The following FAM53C variants were observed in gnomAD, a reference collection of about 807,000 sequenced individuals.
The protein encoded by FAM53C is family with sequence similarity 53 member C.
FAM53C carries 10 observed loss-of-function variants against 34.7 expected under a neutral mutation model. The ratio of observed to expected loss-of-function variants is 0.29; its 90% CI spans 0.18 to 0.49. The LOEUF (loss-of-function observed/expected upper bound fraction) is 0.49, where lower values mean the gene tolerates loss of function less well. Ranked by LOEUF, FAM53C falls within the 20% of genes least tolerant of loss-of-function variation. The pLI is 0.99. For synonymous variants in FAM53C, 203 were observed against 203.6 expected (o/e 1.00, Z 0.03); for missense variants, 442 against 515.3 (o/e 0.86, Z 1.38).
At chr5:138,344,451 A>G (rs1436550152) in intron 3 of FAM53C, among the ~76,000 whole-genome samples, 1 of 152,218 alleles carries the variant, frequency 6.6e-6, no homozygotes, top group African/African-American at 2.4e-5. Context: ...TGAGCAGGAC[A>G]CTCACAAACG....
rs778136209 is a variant in FAM53C at position 138,347,307 on chromosome 5, C to CT, written c.*350dup. 9.2e-6 allele frequency: 3 copies of CT among 324,352 alleles called. No individual in the cohort carries two copies. The highest frequency in any genetic ancestry group is 1.7e-5 in the Non-Finnish European group (3 of 172,394). 20.1% of individuals were successfully genotyped at this position (324,352 alleles called of 1,614,324 possible). On this transcript the variant is annotated 3_prime_UTR_variant, in exon 5 of 5. Transcript: ENST00000239906. ...ACTAGCCCCTTTGCTTCAAAGGGCA[C>CT]TTGTGTCTTAGAATTTGGCCAGGGT...
chr5:138,339,220 A>G (rs1462419101), intron 1 of FAM53C, among the ~76,000 whole-genome samples: 1 of 152,196 alleles, frequency 6.6e-6, no homozygotes, highest in Non-Finnish European at 1.5e-5. Context: ...GAAGGCGGCA[A>G]GAGAGGGCTT....
In FAM53C at chr5:138,346,799, C is replaced by G. The variant is rs1292595548; in HGVS notation, c.1019C>G (p.Ser340Cys). 1 of 1,614,196 alleles carries G rather than the reference C, an allele frequency of 6.2e-7. No individual in the cohort carries two copies. Among genetic ancestry groups the G allele is most frequent in the Non-Finnish European group, 8.5e-7 (1 of 1,180,036 alleles). Residue 340 changes from serine (S) to cysteine (C), a missense_variant, in exon 5 of 5, where the codon TCT becomes TGT. By Grantham distance (112) the Ser-to-Cys change is moderately radical. Coordinates refer to ENST00000239906, the MANE Select transcript of FAM53C (RefSeq NM_016605.3). Reference protein sequence around the residue: ...WFMACSPPPLSASCSPTGGSS... With the variant: ...WFMACSPPPLCASCSPTGGSS... ...ATGGCCTGTAGCCCCCCACCCCTCT[C>G]TGCTTCCTGCAGCCCCACTGGGGGT...
chr5:138,338,787 C>A (rs1274451116), intron 1 of FAM53C, among the ~76,000 whole-genome samples: 1 of 152,246 alleles, frequency 6.6e-6, no homozygotes, highest in African/African-American at 2.4e-5. Flanking sequence ...AGATCTCCAC[C>A]TACCTGTTCA....
In FAM53C at chr5:138,341,236, G is replaced by T. The variant is rs770100189; in HGVS notation, c.-100G>T. On this transcript the variant is annotated 5_prime_UTR_variant, in exon 2 of 5. Transcript: ENST00000239906. Reference sequence around the variant, plus strand: ...GTCCCAATGGTGCTAGAATGGTGCTGCAGTGGCAGAAGACGGCTCACAAGT... The same window carrying T: ...GTCCCAATGGTGCTAGAATGGTGCTTCAGTGGCAGAAGACGGCTCACAAGT... 1.0e-6 allele frequency: 1 copy of T among 953,082 alleles called. No individual in the cohort carries two copies. Among genetic ancestry groups the T allele is most frequent in the Non-Finnish European group, 1.7e-6 (1 of 578,428 alleles). The allele number at this position is 953,082 out of a possible 1,614,324, so 59.0% of individuals were successfully genotyped here. A position where few individuals can be genotyped will look rare whatever the true frequency, so the allele number is the denominator to read the frequency against.
intron 3 of FAM53C, 113 bp downstream of exon 3, chr5:138,341,979 G>A (rs1217687815): frequency 2.1e-6 from 2 of 944,646 alleles, no homozygotes; most frequent in Admixed American, 3.7e-5. Context: ...GAACCTTCTT[G>A]CCAGGGTCAA....
In FAM53C at chr5:138,345,502, C is replaced by T. The variant is rs766141980; in HGVS notation, c.814C>T (p.Arg272Cys). Reference sequence around the variant, plus strand: ...AGGTCTCCGCAACCTTCCCCGAAGCCGCTCACAGCCTTGTGATCTGGATGC... The same window carrying T: ...AGGTCTCCGCAACCTTCCCCGAAGCTGCTCACAGCCTTGTGATCTGGATGC... ...PRGLRNLPRS[R>C]SQPCDLDARK... The change falls in exon 4 of 5, where the codon CGC becomes TGC. Residue 272 changes from arginine (R) to cysteine (C), a missense_variant. Coordinates refer to ENST00000239906, the MANE Select transcript of FAM53C (RefSeq NM_016605.3). The surrounding 1 kb of genome is among the most constrained non-coding windows in gnomAD (Gnocchi z 6.3). 4 of 1,614,104 alleles carry T rather than the reference C, an allele frequency of 2.5e-6. No homozygotes were observed. Among genetic ancestry groups the T allele is most frequent in the East Asian group, 2.2e-5 (1 of 44,870 alleles).
Position 138,344,995 on chromosome 5 carries a change from C to T in FAM53C, c.307C>T (p.Pro103Ser), listed in dbSNP as rs1248917461. 6.2e-7 allele frequency: 1 copy of T among 1,613,868 alleles called. No homozygotes were observed. Among genetic ancestry groups the T allele is most frequent in the South Asian group, 1.1e-5 (1 of 91,074 alleles). The change falls in exon 4 of 5, where the codon CCA becomes TCA. Residue 103 changes from proline to serine, a missense_variant. Transcript: ENST00000239906. ...SQVLRPEPPD[P>S]EKLPVPPAPP... ...AGTCCTAAGACCTGAGCCCCCAGAT[C>T]CAGAGAAGCTTCCTGTGCCCCCTGC...
Position 138,345,712 on chromosome 5 carries a change from C to G in FAM53C, c.921+103C>G, listed in dbSNP as rs546090531. The G allele has an allele frequency of 1.9e-5, 25 of 1,312,710 alleles. No homozygotes were observed. The South Asian group carries it at 3.6e-4, about 19-fold the overall frequency. The allele number at this position is 1,312,710 out of a possible 1,614,324, so 81.3% of individuals were successfully genotyped here. A position where few individuals can be genotyped will look rare whatever the true frequency, so the allele number is the denominator to read the frequency against. Reference sequence around the variant, plus strand: ...CTTCATTACCCTGCCGCCCCCACCACCAACAGCACCTCCTTTAGCTCTTAG... The same window carrying G: ...CTTCATTACCCTGCCGCCCCCACCAGCAACAGCACCTCCTTTAGCTCTTAG... On this transcript the variant is annotated intron_variant, in intron 4 of 4. Transcript: ENST00000239906. This position sits in a 1 kb window ranked among gnomAD's most constrained non-coding sequence, Gnocchi z 6.3.
chr5:138,345,938 T>G lies in FAM53C; in HGVS notation c.921+329T>G, dbSNP rs1030141714. ...CAAGAATGCACAAGCTGCAAAAAAT[T>G]CCATCAGTACCTACTCCTTGTGCCC... On this transcript the variant is annotated intron_variant, in intron 4 of 4. Transcript: ENST00000239906. This position sits in a 1 kb window ranked among gnomAD's most constrained non-coding sequence, Gnocchi z 6.3. Among the ~76,000 whole-genome samples the G allele has an allele frequency of 1.3e-5, 2 of 152,190 alleles. No individual in the cohort carries two copies. The highest frequency in any genetic ancestry group is 2.9e-5 in the Non-Finnish European group (2 of 68,040).
At chr5:138,338,730 A>G (rs116578300) in intron 1 of FAM53C, among the ~76,000 whole-genome samples, 4,704 of 152,026 alleles carry the variant, frequency 0.031, 169 homozygotes, top group Admixed American at 0.1. Context: ...GGTGTTCCCC[A>G]CTTGTCACCC....
intron 3 of FAM53C, chr5:138,343,778 T>G (rs1279698456): frequency 2.0e-5 from 3 of 152,322 alleles, no homozygotes. Flanking sequence ...ACATGTTCAT[T>G]CAGTCTCTTC....
intron 1 of FAM53C, among the ~76,000 whole-genome samples, chr5:138,338,686 TA>T (rs771211243): frequency 4.1e-4 from 59 of 143,682 alleles, no homozygotes; most frequent in Non-Finnish European, 2.1e-4. Flanking sequence ...TGGAGGGGCC[TA>T]GCCTTTTGCT....
chr5:138,340,277 T>A (rs1317454852), intron 1 of FAM53C, among the ~76,000 whole-genome samples: 2 of 152,392 alleles, frequency 1.3e-5, no homozygotes, highest in South Asian at 2.1e-4. Flanking sequence ...ATAATTAGAT[T>A]TCTTGATGAT....
rs374199354 is a variant in FAM53C at position 138,348,402 on chromosome 5, C to T, written c.*1443C>T. The T allele has an allele frequency of 3.1e-4, 48 of 152,398 alleles. No homozygotes were observed. The highest frequency in any genetic ancestry group is 1.1e-3 in the African/African-American group (44 of 41,586). 9.4% of individuals were successfully genotyped at this position (152,398 alleles called of 1,614,324 possible). On this transcript the variant is annotated 3_prime_UTR_variant, in exon 5 of 5. Coordinates refer to ENST00000239906, the MANE Select transcript of FAM53C (RefSeq NM_016605.3). ...GTGGAAACACATACTGAAGCTGCCA[C>T]CACAATAGCTTGTGAGGTTTTATCC...
intron 3 of FAM53C, chr5:138,342,961 T>C (rs1580855692): frequency 6.7e-6 from 1 of 150,278 alleles, no homozygotes; most frequent in Non-Finnish European, 1.5e-5. Context: ...GAGGTGGAGG[T>C]TGTGGTGAGC....
chr5:138,343,115 T>C (rs1216388275), intron 3 of FAM53C: 1 of 152,308 alleles, frequency 6.6e-6, no homozygotes, highest in East Asian at 1.9e-4. Context: ...CCTTGTTATA[T>C]ATAGCTACAT....
Position 138,347,007 on chromosome 5 carries a change from C to T in FAM53C, c.*48C>T, listed in dbSNP as rs1761198946. On this transcript the variant is annotated 3_prime_UTR_variant, in exon 5 of 5. Transcript: ENST00000239906. ...GCCACACAGACTGACTCTCTCATGG[C>T]TACTAACAAGTGTCGAGTCCCCAAG... is the stretch of plus-strand genomic sequence containing the variant. The T allele has an allele frequency of 1.2e-6, 2 of 1,610,236 alleles. No homozygotes were observed. The highest frequency in any genetic ancestry group is 2.7e-5 in the African/African-American group (2 of 74,878).
Position 138,346,900 on chromosome 5 carries a change from C to T in FAM53C, c.1120C>T (p.Arg374Trp), listed in dbSNP as rs756024971. Residue 374 changes from arginine to tryptophan, a missense_variant, in exon 5 of 5, where the codon CGG becomes TGG. Coordinates refer to ENST00000239906, the MANE Select transcript of FAM53C (RefSeq NM_016605.3). ...GTGGGGTCGGCAGGCGCTGAGCAAG[C>T]GGACACTGTGCCAGCGGGACTTTGG... Reference protein sequence around the residue: ...VRWGRQALSKRTLCQRDFGDL... With the variant: ...VRWGRQALSKWTLCQRDFGDL... 1.4e-5 allele frequency: 23 copies of T among 1,613,982 alleles called. No individual in the cohort carries two copies. In the East Asian group the frequency reaches 2.2e-4, roughly 16 times the overall value.
Sources: gnomAD v4.1 joint callset for allele counts (sites outside exome capture counted in the v4.1 genomes callset) on GRCh38, gnomAD v4.1.1 for gene constraint, Gnocchi (gnomAD v3.1) non-coding constraint, MANE v1.5 for transcripts, NCBI Gene and HGNC (gene_info 2026-07-23, HGNC 2026-07-21) for gene names.